Variants in RALA observed in about 807,000 individuals in gnomAD.
The protein encoded by RALA is ras-related protein Ral-A.
RALA carries 5 observed loss-of-function variants against 24.0 expected under a neutral mutation model. The observed-to-expected ratio is 0.21, with a 90% CI of 0.11 to 0.44. The LOEUF is 0.44. RALA is among the 20% of genes least tolerant of loss of function. RALA has a pLI of 0.99. For missense variants in RALA, 95 were observed against 241.2 expected (o/e 0.39, Z 4.01); for synonymous variants, 77 against 83.8 (o/e 0.92, Z 0.44).
intron 1 of RALA, among the ~76,000 whole-genome samples, chr7:39,651,085 G>A (rs1792011024): frequency 6.6e-6 from 1 of 152,120 alleles, no homozygotes; most frequent in Non-Finnish European, 1.5e-5. Context: ...CTTTACAATG[G>A]TGTACCATCA....
Position 39,663,089 on chromosome 7 carries a change from A to T in RALA, c.-37-23542A>T, listed in dbSNP as rs545644531. On this transcript the variant is annotated intron_variant, in intron 1 of 4. Transcript: ENST00000005257. ...GTGGGGGAAACTGCCCCCATGATTC[A>T]GTTGTCTCCCACTGAGTCCCTCCCA... Among the ~76,000 whole-genome samples, 7 of 152,270 alleles carry T rather than the reference A, an allele frequency of 4.6e-5. No homozygotes were observed. The East Asian group carries it at 1.4e-3, about 29-fold the overall frequency.
chr7:39,637,545 A>G lies in RALA; in HGVS notation c.-38+13720A>G, dbSNP rs1041050925. 3.3e-5 allele frequency among the ~76,000 whole-genome samples: 5 copies of G among 152,188 alleles called. No individual in the cohort carries two copies. In the South Asian group the frequency reaches 1.0e-3, roughly 31 times the overall value. On this transcript the variant is annotated intron_variant, in intron 1 of 4. Coordinates refer to ENST00000005257, the MANE Select transcript of RALA (RefSeq NM_005402.4). ...GGTTCAGTCTCTGAATAATTATTTTATACTTTTAGTTTCATTTGTTCCCTC... is the reference window on the plus strand; with the variant it reads ...GGTTCAGTCTCTGAATAATTATTTTGTACTTTTAGTTTCATTTGTTCCCTC...
At chr7:39,667,107 C>A (rs1792297876) in intron 1 of RALA, among the ~76,000 whole-genome samples, 1 of 152,098 alleles carries the variant, frequency 6.6e-6, no homozygotes, top group South Asian at 2.1e-4. Context: ...ATTTATGATT[C>A]TTTGGTCATC....
chr7:39,701,883 T>C (rs1793034542), intron 4 of RALA, among the ~76,000 whole-genome samples: 1 of 152,254 alleles, frequency 6.6e-6, no homozygotes, highest in Non-Finnish European at 1.5e-5. Flanking sequence ...ACTTGTGTAC[T>C]CATTGGATTC....
chr7:39,672,946 G>GA (rs1241561723), intron 1 of RALA, among the ~76,000 whole-genome samples: 2 of 152,192 alleles, frequency 1.3e-5, no homozygotes, highest in Non-Finnish European at 2.9e-5. Context: ...TTAAAAGGGT[G>GA]AATTTTATTG....
chr7:39,690,332 A>C (rs779769587), intron 2 of RALA, 50 bp from the exon 3 acceptor site: 3 of 1,467,006 alleles, frequency 2.0e-6, no homozygotes, highest in Non-Finnish European at 2.8e-6. Flanking sequence ...TTTCAAAATA[A>C]GTTTTGAAAC....
At chr7:39,661,136 A>G (rs1387938492) in intron 1 of RALA, among the ~76,000 whole-genome samples, 5 of 152,198 alleles carry the variant, frequency 3.3e-5, no homozygotes, top group Non-Finnish European at 7.3e-5. Flanking sequence ...CCAAAAGAAT[A>G]GTATGGGGGA....
chr7:39,675,347 A>G (rs73387354), intron 1 of RALA, among the ~76,000 whole-genome samples: 13,827 of 152,208 alleles, frequency 0.091, 680 homozygotes, highest in African/African-American at 0.11. Flanking sequence ...CATCATGTCA[A>G]TGCTCAAAAA....
chr7:39,692,386 G>A (rs1466440543), intron 3 of RALA, among the ~76,000 whole-genome samples: 1 of 152,040 alleles, frequency 6.6e-6, no homozygotes, highest in Non-Finnish European at 1.5e-5. Context: ...TACATGTTTA[G>A]TAAACATTTG....
chr7:39,700,301 C>T (rs2116109605), intron 4 of RALA: 1 of 152,306 alleles, frequency 6.6e-6, no homozygotes, highest in Admixed American at 6.5e-5. Context: ...GTGTCTGCTG[C>T]CTCAGCTGAA....
intron 1 of RALA, among the ~76,000 whole-genome samples, chr7:39,634,164 T>C (rs1334294828): frequency 6.6e-6 from 1 of 152,166 alleles, no homozygotes; most frequent in African/African-American, 2.4e-5. Context: ...ATCTTTGCTG[T>C]CCCAGGAGTG....
intron 1 of RALA, among the ~76,000 whole-genome samples, chr7:39,630,621 T>C (rs1791582182): frequency 6.6e-6 from 1 of 152,208 alleles, no homozygotes; most frequent in Non-Finnish European, 1.5e-5. Flanking sequence ...TCACACATGC[T>C]TTCTTCTGGT....
chr7:39,670,542 G>A (rs1344682904), intron 1 of RALA, among the ~76,000 whole-genome samples: 1 of 152,126 alleles, frequency 6.6e-6, no homozygotes, highest in Non-Finnish European at 1.5e-5. Flanking sequence ...CATTCACATG[G>A]ATCAAAATTC....
At chr7:39,641,204 T>G (rs928476147) in intron 1 of RALA, among the ~76,000 whole-genome samples, 4 of 152,132 alleles carry the variant, frequency 2.6e-5, no homozygotes, top group Non-Finnish European at 5.9e-5. Context: ...TTATATCATT[T>G]TTGCCCATTT....
intron 1 of RALA, among the ~76,000 whole-genome samples, chr7:39,628,627 C>T (rs963582966): frequency 8.5e-5 from 13 of 152,228 alleles, no homozygotes; most frequent in African/African-American, 2.9e-4. Context: ...GCGATTTCGG[C>T]TCACTGCCGC....
At chr7:39,661,330 C>T (rs891013791) in intron 1 of RALA, among the ~76,000 whole-genome samples, 5 of 152,206 alleles carry the variant, frequency 3.3e-5, no homozygotes, top group African/African-American at 9.6e-5. Flanking sequence ...CCAACAGTCC[C>T]TCAAAGTCTT....
At chr7:39,636,815 C>T (rs1234805270) in intron 1 of RALA, among the ~76,000 whole-genome samples, 1 of 152,132 alleles carries the variant, frequency 6.6e-6, no homozygotes, top group African/African-American at 2.4e-5. Flanking sequence ...GGGAAGCAAG[C>T]ACATTCTCAT....
intron 1 of RALA, among the ~76,000 whole-genome samples, chr7:39,635,700 G>C (rs1209964496): frequency 6.6e-6 from 1 of 152,262 alleles, no homozygotes; most frequent in African/African-American, 2.4e-5. Flanking sequence ...ATTCTCATAA[G>C]GAGCATACAA....
intron 2 of RALA, among the ~76,000 whole-genome samples, chr7:39,689,859 G>A (rs907828599): frequency 3.3e-5 from 5 of 152,188 alleles, no homozygotes; most frequent in Admixed American, 3.3e-4. Context: ...TTGTTGAATT[G>A]TACTATTTAA....
Sources: allele counts gnomAD v4.1 joint callset (sites outside exome capture counted in the v4.1 genomes callset), GRCh38; gene constraint gnomAD v4.1.1; transcripts MANE v1.5; gene names NCBI Gene and HGNC (gene_info 2026-07-23, HGNC 2026-07-21).